The following MYO16 variants were observed in gnomAD, a reference collection of about 807,000 sequenced individuals.
MYO16 encodes myosin XVI, also known as unconventional myosin-XVI.
In MYO16, 94 loss-of-function variants were observed where a neutral mutation model predicts 205.3. The observed-to-expected ratio is 0.46, with a 90% CI of 0.39 to 0.54. MYO16 has a LOEUF of 0.54. MYO16 is among the 20% of genes least tolerant of loss of function. The pLI, the probability that MYO16 is intolerant of heterozygous loss-of-function variation, is 0.00. For synonymous variants in MYO16, 988 were observed against 954.0 expected (o/e 1.04, Z -0.66); for missense variants, 2,315 against 2,387.5 (o/e 0.97, Z 0.63).
intron 17 of MYO16, among the ~76,000 whole-genome samples, chr13:108,959,569 G>A (rs185276777): frequency 6.6e-6 from 1 of 152,132 alleles, no homozygotes; most frequent in African/African-American, 2.4e-5. Flanking sequence ...CCTGACCCTG[G>A]GAGTGACTTG....
At chr13:108,599,903 A>G (rs1878702942) in intron 1 of MYO16, among the ~76,000 whole-genome samples, 1 of 152,180 alleles carries the variant, frequency 6.6e-6, no homozygotes, top group Non-Finnish European at 1.5e-5. Context: ...TCCATTCACA[A>G]AGGCCATTTG....
chr13:108,577,203 T>C, the MYO16 span, among the ~76,000 whole-genome samples: 1 of 152,176 alleles, frequency 6.6e-6, no homozygotes, highest in Non-Finnish European at 1.5e-5. Context: ...TATACAAAAA[T>C]GAATGAGAAA....
intron 27 of MYO16, among the ~76,000 whole-genome samples, chr13:109,074,666 A>G (rs1375769055): frequency 1.3e-5 from 2 of 152,010 alleles, no homozygotes; most frequent in African/African-American, 2.4e-5. Context: ...ATGAAAACTC[A>G]CCATCAGGAG....
At chr13:109,132,874 T>A (rs1876603370) in intron 31 of MYO16, among the ~76,000 whole-genome samples, 1 of 152,128 alleles carries the variant, frequency 6.6e-6, no homozygotes, top group African/African-American at 2.4e-5. Context: ...GTAGGAGAGA[T>A]AAGTGGTCAA....
chr13:108,850,225 C>T (rs1041854434), intron 10 of MYO16, among the ~76,000 whole-genome samples: 2 of 152,298 alleles, frequency 1.3e-5, no homozygotes, highest in East Asian at 3.9e-4. Context: ...TCTGTTGCCC[C>T]CTGGGCTTCT....
intron 23 of MYO16, among the ~76,000 whole-genome samples, chr13:109,027,752 A>T (rs1886412605): frequency 6.6e-6 from 1 of 152,086 alleles, no homozygotes; most frequent in African/African-American, 2.4e-5. Flanking sequence ...ATTTTTACTC[A>T]TTTTTTCAAG....
intron 16 of MYO16, among the ~76,000 whole-genome samples, chr13:108,932,196 T>C (rs892948802): frequency 6.6e-6 from 1 of 152,214 alleles, no homozygotes; most frequent in African/African-American, 2.4e-5. Context: ...TACTGTTTCT[T>C]GTTCTTTTCT....
At chr13:109,166,127 G>A (rs926745213) in intron 33 of MYO16, among the ~76,000 whole-genome samples, 13 of 152,044 alleles carry the variant, frequency 8.6e-5, no homozygotes, top group South Asian at 2.1e-4. Context: ...AAGCAGAGAC[G>A]GCAGCCAATT....
chr13:109,048,394 T>C (rs1566480496), intron 24 of MYO16: 5 of 728,452 alleles, frequency 6.9e-6, no homozygotes, highest in African/African-American at 1.8e-5. Flanking sequence ...TTTGTATTTA[T>C]ACAGGAGGTG....
chr13:108,967,153 ATATGTGTGTG>A (rs1883825928), intron 20 of MYO16, among the ~76,000 whole-genome samples: 2 of 150,848 alleles, frequency 1.3e-5, no homozygotes, highest in African/African-American at 4.9e-5. Context: ...CTGACTATAT[ATATGTGTGTG>A]TGTGTGTGTG....
the MYO16 span, among the ~76,000 whole-genome samples, chr13:108,523,927 C>T: frequency 2.6e-5 from 4 of 152,216 alleles, no homozygotes; most frequent in African/African-American, 4.8e-5. Context: ...GTGGATTTCT[C>T]ATGAATGGTT....
At chr13:108,985,107 T>C (rs1884581346) in intron 20 of MYO16, among the ~76,000 whole-genome samples, 1 of 152,236 alleles carries the variant, frequency 6.6e-6, no homozygotes, top group African/African-American at 2.4e-5. Flanking sequence ...GACTCATTTT[T>C]TTAAAAGAAT....
the MYO16 span, among the ~76,000 whole-genome samples, chr13:108,518,142 A>C: frequency 6.6e-6 from 1 of 152,204 alleles, no homozygotes; most frequent in Admixed American, 6.5e-5. Flanking sequence ...TAATGTGAAA[A>C]GTTTATCCTG....
intron 10 of MYO16, among the ~76,000 whole-genome samples, chr13:108,853,954 T>TTGTGTGTGTGTGTG (rs5806760): frequency 0.037 from 5,181 of 138,490 alleles, 132 homozygotes; most frequent in South Asian, 0.056. Context: ...GTTTCTATTA[T>TTGTGTGTGTGTGTG]TGTGTGTGTG....
intron 15 of MYO16, among the ~76,000 whole-genome samples, chr13:108,909,399 G>A (rs544964627): frequency 6.6e-6 from 1 of 152,268 alleles, no homozygotes; most frequent in South Asian, 2.1e-4. Context: ...CACTGGACAT[G>A]TGTTACTTAA....
At chr13:108,989,789 T>C (rs1437205072) in intron 20 of MYO16, among the ~76,000 whole-genome samples, 2 of 152,148 alleles carry the variant, frequency 1.3e-5, no homozygotes, top group African/African-American at 4.8e-5. Flanking sequence ...TAGGAAAATA[T>C]CTTTCTCATT....
rs139030746 is a variant in MYO16 at position 108,727,424 on chromosome 13, G to A, written c.364-16G>A. On this transcript the variant is annotated splice_polypyrimidine_tract_variant and intron_variant, in intron 3 of 34. Coordinates refer to ENST00000457511, the MANE Select transcript of MYO16 (RefSeq NM_001198950.3). ...GTTTGTAATAATTTGATATTTCCTT[G>A]TATTCTTTCTTTTAGTGTGCTCGGT... is the stretch of plus-strand genomic sequence containing the variant. The A allele has an allele frequency of 2.3e-4, 366 of 1,608,710 alleles. 1 individual carries two copies. The East Asian group carries it at 7.8e-3, about 34-fold the overall frequency.
Position 109,140,669 on chromosome 13 carries a change from C to T in MYO16, c.4457C>T (p.Pro1486Leu), listed in dbSNP as rs1175899986. 3.9e-5 allele frequency: 58 copies of T among 1,489,210 alleles called. 1 individual carries two copies. The highest frequency in any genetic ancestry group is 4.9e-5 in the Non-Finnish European group (55 of 1,123,498). The allele number at this position is 1,489,210 out of a possible 1,614,324, so 92.2% of individuals were successfully genotyped here. A position where few individuals can be genotyped will look rare whatever the true frequency, so the allele number is the denominator to read the frequency against. The stretch of plus-strand genomic sequence containing the variant: ...TCGCCGCCCCTGCTCCACCGCGCGC[C>T]GGAGGACGAGGCGGCGGGGCCCCCA... ...GASPPLLHRAPEDEAAGPPGD... is the reference protein window; with the variant it reads ...GASPPLLHRALEDEAAGPPGD... The change falls in exon 32 of 35, where the codon CCG becomes CTG. Residue 1486 changes from proline (P) to leucine (L), a missense_variant. Coordinates refer to ENST00000457511, the MANE Select transcript of MYO16 (RefSeq NM_001198950.3). This position sits in a 1 kb window ranked among gnomAD's most constrained non-coding sequence, Gnocchi z 8.0.
intron 28 of MYO16, among the ~76,000 whole-genome samples, chr13:109,107,292 A>G (rs1889148322): frequency 6.6e-6 from 1 of 152,240 alleles, no homozygotes. Flanking sequence ...TGTTTACGGA[A>G]TAGTCTAGAT....
Sources: gnomAD v4.1 joint callset for allele counts (sites outside exome capture counted in the v4.1 genomes callset) on GRCh38, gnomAD v4.1.1 for gene constraint, Gnocchi (gnomAD v3.1) non-coding constraint, MANE v1.5 for transcripts, NCBI Gene and HGNC (gene_info 2026-07-23, HGNC 2026-07-21) for gene names.